ANKRD13D: variants seen among roughly 807,000 people sequenced by gnomAD.
ANKRD13D encodes the protein ankyrin repeat domain 13D, also known as ankyrin repeat domain-containing protein 13D.
A neutral mutation model predicts 68.8 loss-of-function variants in ANKRD13D; 24 were observed. The ratio of observed to expected loss-of-function variants is 0.35; its 90% CI spans 0.25 to 0.49. The LOEUF is 0.49. Ranked by LOEUF, ANKRD13D falls within the 20% of genes least tolerant of loss-of-function variation. ANKRD13D has a pLI of 0.99. For synonymous variants in ANKRD13D, 331 were observed against 336.1 expected, an observed-to-expected ratio of 0.98 and a Z score of 0.16; for missense variants, 735 against 832.1, an observed-to-expected ratio of 0.88 and a Z score of 1.44.
At position 67,301,381 on chromosome 11, in the gene ANKRD13D, C is replaced by A. The variant is rs1156320671; in HGVS notation, c.1331C>A (p.Ser444Tyr). 6.2e-7 allele frequency: 1 copy of A among 1,612,486 alleles called. No individual in the cohort carries two copies. The highest frequency in any genetic ancestry group is 1.7e-5 in the Admixed American group (1 of 59,800). Residue 444 changes from serine (S) to tyrosine (Y), a missense_variant, in exon 12 of 15, where the codon TCT (serine) becomes TAT (tyrosine). Physicochemically the swap from Ser to Tyr is moderately radical, Grantham distance 144. Coordinates refer to ENST00000511455, the MANE Select transcript of ANKRD13D (RefSeq NM_207354.3). This position sits in a 1 kb window ranked among gnomAD's most constrained non-coding sequence, Gnocchi z 4.5. Reference sequence around the variant, plus strand: ...TCCGTGTGGGTGCCGGCCCCCAGCTCTGCTGTTGCCGCATCAGGTACCCCA... The same window carrying A: ...TCCGTGTGGGTGCCGGCCCCCAGCTATGCTGTTGCCGCATCAGGTACCCCA... ...LSSVWVPAPS[S>Y]AVAASGNPFP...
At chr11:67,290,281 G>A (rs1459106346) in intron 2 of ANKRD13D, 41 bp from the exon 3 acceptor site, 3 of 1,547,206 alleles carry the variant, frequency 1.9e-6, no homozygotes, top group Non-Finnish European at 2.6e-6. Context: ...CCAGGCCTGG[G>A]GTCATCTGGA....
intron 6 of ANKRD13D, 169 bp from the exon 7 acceptor site, chr11:67,298,889 C>A: frequency 4.6e-6 from 3 of 647,738 alleles, no homozygotes; most frequent in Non-Finnish European, 5.6e-6. Context: ...GCTCAAGTGT[C>A]CCCCCCTGTC....
intron 6 of ANKRD13D, chr11:67,298,850 T>C: frequency 5.1e-6 from 3 of 589,846 alleles, no homozygotes; most frequent in Non-Finnish European, 9.1e-6. Flanking sequence ...TCATGCTAAT[T>C]CCTCAGTGTC....
chr11:67,289,634 C>CGG, intron 1 of ANKRD13D, 84 bp downstream of exon 1: 11 of 811,562 alleles, frequency 1.4e-5, no homozygotes, highest in South Asian at 1.6e-5. Context: ...CCCCCCCCCC[C>CGG]CCCGCCCGCT....
At position 67,299,141 on chromosome 11, in the gene ANKRD13D, G is replaced by T; in HGVS notation, c.798+17G>T. 1.9e-6 allele frequency: 3 copies of T among 1,608,396 alleles called. No homozygotes were observed. Among genetic ancestry groups the T allele is most frequent in the African/African-American group, 2.7e-5 (2 of 74,868 alleles). Reference sequence around the variant, plus strand: ...GAGGCCAAGGCAGGAGAGGCTAGGGGTGGGGGGCTGGGGGTAGGAGATGAG... The same window carrying T: ...GAGGCCAAGGCAGGAGAGGCTAGGGTTGGGGGGCTGGGGGTAGGAGATGAG... On this transcript the variant is annotated intron_variant, in intron 7 of 14. Coordinates refer to ENST00000511455, the MANE Select transcript of ANKRD13D (RefSeq NM_207354.3). This position sits in a 1 kb window ranked among gnomAD's most constrained non-coding sequence, Gnocchi z 6.2.
chr11:67,289,696 A>C, intron 1 of ANKRD13D, 146 bp downstream of exon 1: 1 of 1,296,404 alleles, frequency 7.7e-7, no homozygotes, highest in Non-Finnish European at 1.0e-6. Flanking sequence ...TCCCAAGCCC[A>C]GGTCACCGGC....
intron 1 of ANKRD13D, 88 bp from the exon 2 acceptor site, chr11:67,289,990 A>G (rs1441130915): frequency 6.8e-7 from 1 of 1,465,682 alleles, no homozygotes; most frequent in Non-Finnish European, 9.0e-7. Flanking sequence ...CTTATTTCCC[A>G]CAGCGATTCC....
rs370944826 is a variant in ANKRD13D, at chr11:67,300,055, C to T, written c.1005C>T (p.Phe335=). 2.5e-5 allele frequency: 40 copies of T among 1,614,100 alleles called. No homozygotes were observed. The African/African-American group carries it at 4.3e-4, about 17-fold the overall frequency. Residue 335 remains phenylalanine, a synonymous_variant, in exon 10 of 15, where the codon TTC becomes TTT. Coordinates refer to ENST00000511455, the MANE Select transcript of ANKRD13D (RefSeq NM_207354.3). The surrounding 1 kb of genome is among the most constrained non-coding windows in gnomAD (Gnocchi z 4.3). ...CAGCCATCTCCCCTGAGGAGTACTT[C>T]GACCCCAACTTCAGCCTGGAGTCAC... ...NPTAISPEEY[F]DPNFSLESRN...
intron 6 of ANKRD13D, among the ~76,000 whole-genome samples, chr11:67,295,582 A>C (rs1472663291): frequency 6.6e-6 from 1 of 151,934 alleles, no homozygotes; most frequent in East Asian, 1.9e-4. Context: ...AAAACAAAAA[A>C]AAAATTAGCC....
chr11:67,301,832 C>A lies in ANKRD13D; in HGVS notation c.1604+9C>A. 2 of 1,582,142 alleles carry A rather than the reference C, an allele frequency of 1.3e-6. No homozygotes were observed. The highest frequency in any genetic ancestry group is 2.3e-5 in the East Asian group (1 of 43,748). ...CAGCTTCAGCTGGAGCGGTGAGCCC[C>A]TCATGGGGCTGGCTGGGTCCCTGTC... On this transcript the variant is annotated intron_variant, in intron 14 of 14. Coordinates refer to ENST00000511455, the MANE Select transcript of ANKRD13D (RefSeq NM_207354.3). This position sits in a 1 kb window ranked among gnomAD's most constrained non-coding sequence, Gnocchi z 4.5.
intron 14 of ANKRD13D, 44 bp from the exon 15 acceptor site, chr11:67,302,075 G>T (rs760764075): frequency 1.3e-6 from 2 of 1,491,084 alleles, no homozygotes; most frequent in South Asian, 2.6e-5. Flanking sequence ...CCCCAGCCTT[G>T]GCGCTCACTG....
intron 6 of ANKRD13D, among the ~76,000 whole-genome samples, chr11:67,295,236 T>G (rs1860715581): frequency 6.6e-6 from 1 of 151,198 alleles, no homozygotes; most frequent in Non-Finnish European, 1.5e-5. Context: ...GCTAACATGG[T>G]GAAACCCCAT....
At chr11:67,296,059 G>C (rs1860745946) in intron 6 of ANKRD13D, among the ~76,000 whole-genome samples, 1 of 152,148 alleles carries the variant, frequency 6.6e-6, no homozygotes. Context: ...TTGCATTCCT[G>C]TGATAAGTTC....
chr11:67,291,862 G>A (rs1860570337), intron 5 of ANKRD13D, 116 bp downstream of exon 5: 2 of 1,519,006 alleles, frequency 1.3e-6, no homozygotes, highest in East Asian at 4.7e-5. Flanking sequence ...GTTGGGGATG[G>A]AGGGGCATCC....
rs1590873681 is a variant in ANKRD13D at position 67,299,817 on chromosome 11, T to C, written c.881-10T>C. On this transcript the variant is annotated splice_polypyrimidine_tract_variant and intron_variant, in intron 8 of 14. Coordinates refer to ENST00000511455, the MANE Select transcript of ANKRD13D (RefSeq NM_207354.3). This position sits in a 1 kb window ranked among gnomAD's most constrained non-coding sequence, Gnocchi z 6.2. ...GTGACCCCTTACCAGCTCCCACCCC[T>C]TCTCCGTAGCGGGGAAGACTCCATT... The C allele has an allele frequency of 3.3e-6, 5 of 1,532,514 alleles. No homozygotes were observed. The East Asian group carries it at 1.1e-4, about 35-fold the overall frequency. The allele number at this position is 1,532,514 out of a possible 1,614,324, so 94.9% of individuals were successfully genotyped here. A position where few individuals can be genotyped will look rare whatever the true frequency, so the allele number is the denominator to read the frequency against.
In ANKRD13D at chr11:67,292,082, G is replaced by A. The variant is rs530326974; in HGVS notation, c.633G>A (p.Leu211=). 4 of 1,612,234 alleles carry A rather than the reference G, an allele frequency of 2.5e-6. No homozygotes were observed. The highest frequency in any genetic ancestry group is 3.4e-6 in the Non-Finnish European group (4 of 1,178,954). The part of the protein sequence containing the change: ...LGLTLQEPET[L]LAAMRPSEEH... ...TCACTCTGCAGGAGCCCGAAACACT[G>A]CTGGCCGCCATGCGGCCCAGCGAGG... The change falls in exon 6 of 15, where the codon CTG becomes CTA. Residue 211 remains leucine, a synonymous_variant. Transcript: ENST00000511455.
chr11:67,299,273 G>A lies in ANKRD13D; in HGVS notation c.798+149G>A, dbSNP rs1006088870. The stretch of plus-strand genomic sequence containing the variant: ...GCGGGCCTGAGTGCCCAGCCCCTGC[G>A]GAGTACACAGGGCTCACCCACATCA... On this transcript the variant is annotated intron_variant, in intron 7 of 14. Coordinates refer to ENST00000511455, the MANE Select transcript of ANKRD13D (RefSeq NM_207354.3). This position sits in a 1 kb window ranked among gnomAD's most constrained non-coding sequence, Gnocchi z 6.2. The A allele has an allele frequency of 6.4e-6, 6 of 932,908 alleles. No homozygotes were observed. Among genetic ancestry groups the A allele is most frequent in the Admixed American group, 6.4e-5 (3 of 47,056 alleles). 57.8% of individuals were successfully genotyped at this position (932,908 alleles called of 1,614,324 possible).
intron 3 of ANKRD13D, chr11:67,291,111 G>C (rs541078531): frequency 3.7e-6 from 1 of 269,202 alleles, no homozygotes; most frequent in African/African-American, 2.3e-5. Context: ...TAATCCCAGC[G>C]CTTTCTGAGG....
At chr11:67,293,145 C>G (rs1302092574) in intron 6 of ANKRD13D, among the ~76,000 whole-genome samples, 1 of 152,052 alleles carries the variant, frequency 6.6e-6, no homozygotes, top group Non-Finnish European at 1.5e-5. Flanking sequence ...GTTTTAATTT[C>G]TCTTTCATAT....
Sources: allele counts gnomAD v4.1 joint callset (sites outside exome capture counted in the v4.1 genomes callset), GRCh38; gene constraint gnomAD v4.1.1; non-coding constraint Gnocchi (gnomAD v3.1); transcripts MANE v1.5; gene names NCBI Gene and HGNC (gene_info 2026-07-23, HGNC 2026-07-21).